The following PANK4 variants were observed in gnomAD, a reference collection of about 807,000 sequenced individuals.
The protein encoded by PANK4 is pantothenate kinase 4 (inactive).
A neutral mutation model predicts 87.9 loss-of-function variants in PANK4; 40 were observed. The ratio of observed to expected loss-of-function variants is 0.46; its 90% confidence interval spans 0.35 to 0.59. The LOEUF is 0.59. Among genes scored for constraint, PANK4 ranks in the 20% least tolerant of loss-of-function variants. PANK4 has a pLI of 0.00. For missense variants in PANK4, 926 were observed against 1,072.3 expected (o/e 0.86, Z 1.90); for synonymous variants, 524 against 467.4 (o/e 1.12, Z -1.56).
Position 2,523,367 on chromosome 1 carries a change from G to A in PANK4, c.125-1567C>T, listed in dbSNP as rs554452680. On this transcript the variant is annotated intron_variant, in intron 1 of 18. Transcript: ENST00000378466. Reference sequence around the variant, plus strand: ...CCCTCCCCTGCCCCCAGTGCTGGCCGGGCCCGGAGAGTCTCACTAACATGC... The same window carrying A: ...CCCTCCCCTGCCCCCAGTGCTGGCCAGGCCCGGAGAGTCTCACTAACATGC... Among the ~76,000 whole-genome samples, 8 of 152,242 alleles carry A rather than the reference G, an allele frequency of 5.3e-5. 1 individual carries two copies. Among genetic ancestry groups the A allele is most frequent in the African/African-American group, 1.9e-4 (8 of 41,538 alleles).
At chr1:2,516,873 T>C (rs1010329582) in intron 9 of PANK4, among the ~76,000 whole-genome samples, 4 of 152,236 alleles carry the variant, frequency 2.6e-5, no homozygotes, top group Admixed American at 2.6e-4. Context: ...TTTGACTTTT[T>C]TGGACAATAT....
Position 2,520,028 on chromosome 1 carries a change from C to T in PANK4, c.700-74G>A, listed in dbSNP as rs960359850. On this transcript the variant is annotated intron_variant, in intron 5 of 18. Transcript: ENST00000378466. This position sits in a 1 kb window ranked among gnomAD's most constrained non-coding sequence, Gnocchi z 6.2. ...TCCCCACGACCCCAGAAACCAAGCC[C>T]ATGGCAGGAGGCACGCGCGGGCAGG... is the stretch of plus-strand genomic sequence containing the variant. 5 of 1,425,896 alleles carry T rather than the reference C, an allele frequency of 3.5e-6. No individual in the cohort carries two copies. Among genetic ancestry groups the T allele is most frequent in the Non-Finnish European group, 4.7e-6 (5 of 1,063,130 alleles). 88.3% of individuals were successfully genotyped at this position (1,425,896 alleles called of 1,614,324 possible).
At position 2,521,708 on chromosome 1, in the gene PANK4, G is replaced by T. The variant is rs746787667; in HGVS notation, c.207+10C>A. The T allele has an allele frequency of 6.2e-7, 1 of 1,610,248 alleles. No homozygotes were observed. ...CTGCCCTGCCCCGGGTGGCCACAGT[G>T]CAGGCTCACCTTTCCGGAGTGGTCG... On this transcript the variant is annotated intron_variant, in intron 2 of 18. Coordinates refer to ENST00000378466, the MANE Select transcript of PANK4 (RefSeq NM_018216.4).
intron 1 of PANK4, among the ~76,000 whole-genome samples, chr1:2,522,792 T>C (rs1315343787): frequency 2.6e-5 from 4 of 151,728 alleles, no homozygotes; most frequent in African/African-American, 9.8e-5. Context: ...CGTATGGTGC[T>C]ATAGTGACTT....
chr1:2,512,560 C>T (rs770933372), intron 13 of PANK4: 10 of 358,332 alleles, frequency 2.8e-5, no homozygotes, highest in African/African-American at 6.3e-5. Context: ...ATGTTTAATT[C>T]CTACCACACA....
rs543668717 is a variant in PANK4 at position 2,521,514 on chromosome 1, C to G, written c.208-199G>C. 1.6e-5 allele frequency: 11 copies of G among 691,178 alleles called. No homozygotes were observed. In the African/African-American group the frequency reaches 1.8e-4, roughly 11 times the overall value. 42.8% of individuals were successfully genotyped at this position (691,178 alleles called of 1,614,324 possible). A position where few individuals can be genotyped will look rare whatever the true frequency, so the allele number is the denominator to read the frequency against. Reference sequence around the variant, plus strand: ...ACCCAGCAGGAGCGGAAGCCTCTCCCGGGGGAGCACAGGCGGGCGCAGGTT... The same window carrying G: ...ACCCAGCAGGAGCGGAAGCCTCTCCGGGGGGAGCACAGGCGGGCGCAGGTT... On this transcript the variant is annotated intron_variant, in intron 2 of 18. Transcript: ENST00000378466.
At chr1:2,512,749 G>C (rs1643684476) in intron 13 of PANK4, 139 bp downstream of exon 13, 1 of 803,810 alleles carries the variant, frequency 1.2e-6, no homozygotes. Flanking sequence ...GCACTCCCTG[G>C]GCCCCAAAGC....
chr1:2,524,164 T>G (rs180679157), intron 1 of PANK4, among the ~76,000 whole-genome samples: 1 of 152,176 alleles, frequency 6.6e-6, no homozygotes, highest in African/African-American at 2.4e-5. Flanking sequence ...CTGCAGTATG[T>G]TTTGAGAAAT....
intron 12 of PANK4, 151 bp from the exon 13 acceptor site, chr1:2,513,190 C>T (rs570860307): frequency 5.5e-5 from 44 of 800,544 alleles, no homozygotes; most frequent in African/African-American, 4.7e-4. Context: ...CCTATCGGTC[C>T]GGGACAGTGG....
Position 2,509,080 on chromosome 1 carries a change from G to A in PANK4, c.2109-20C>T, listed in dbSNP as rs750683955. 23 of 1,571,268 alleles carry A rather than the reference G, an allele frequency of 1.5e-5. No individual in the cohort carries two copies. Among genetic ancestry groups the A allele is most frequent in the South Asian group, 6.8e-5 (6 of 87,944 alleles). On this transcript the variant is annotated intron_variant, in intron 18 of 18. Coordinates refer to ENST00000378466, the MANE Select transcript of PANK4 (RefSeq NM_018216.4). The surrounding 1 kb of genome is among the most constrained non-coding windows in gnomAD (Gnocchi z 4.9). ...AGGCGGCTTTGGGGAGGAAGAGGACGGTGAGACTGGGCAAGCAGACCCCAG... is the reference window on the plus strand; with the variant it reads ...AGGCGGCTTTGGGGAGGAAGAGGACAGTGAGACTGGGCAAGCAGACCCCAG...
In PANK4 at chr1:2,509,608, T is replaced by C. The variant is rs564730915; in HGVS notation, c.2108+254A>G. ...TCTCAGCTGAGTGGCCACAGGGACA[T>C]TGGCCCCTCTTGCCCCAAGTCCCCA... On this transcript the variant is annotated intron_variant, in intron 18 of 18. Transcript: ENST00000378466. This position sits in a 1 kb window ranked among gnomAD's most constrained non-coding sequence, Gnocchi z 4.9. 5.9e-5 allele frequency among the ~76,000 whole-genome samples: 9 copies of C among 152,286 alleles called. No individual in the cohort carries two copies. Among genetic ancestry groups the C allele is most frequent in the South Asian group, 2.1e-4 (1 of 4,822 alleles).
Position 2,510,416 on chromosome 1 carries a change from G to A in PANK4, c.1939-259C>T, listed in dbSNP as rs1275152414. 1 of 596,946 alleles carries A rather than the reference G, an allele frequency of 1.7e-6. No individual in the cohort carries two copies. The highest frequency in any genetic ancestry group is 3.0e-6 in the Non-Finnish European group (1 of 335,534). The allele number at this position is 596,946 out of a possible 1,614,324, so 37.0% of individuals were successfully genotyped here. On this transcript the variant is annotated intron_variant, in intron 16 of 18. Transcript: ENST00000378466. This position sits in a 1 kb window ranked among gnomAD's most constrained non-coding sequence, Gnocchi z 4.9. The stretch of plus-strand genomic sequence containing the variant: ...CTGTCTGTGAAGTCACAGCCCCAAA[G>A]CCTCCTTGCTGTGAGCACCCTTCCA...
chr1:2,520,555 G>C lies in PANK4; in HGVS notation c.607-141C>G. 1.0e-6 allele frequency: 1 copy of C among 996,342 alleles called. No homozygotes were observed. The allele number at this position is 996,342 out of a possible 1,614,324, so 61.7% of individuals were successfully genotyped here. ...TGGGAGGACTCTCATGGCCAAGCCTGGGGGCGCTGATGCCCCTCCCACAGA... is the reference window on the plus strand; with the variant it reads ...TGGGAGGACTCTCATGGCCAAGCCTCGGGGCGCTGATGCCCCTCCCACAGA... On this transcript the variant is annotated intron_variant, in intron 4 of 18. Coordinates refer to ENST00000378466, the MANE Select transcript of PANK4 (RefSeq NM_018216.4). The surrounding 1 kb of genome is among the most constrained non-coding windows in gnomAD (Gnocchi z 6.2).
rs1057135298 is a variant in PANK4, at chr1:2,508,668, C to T, written c.*179G>A. Reference sequence around the variant, plus strand: ...GCAGTTAAATAGATTCCAATATGAACGTCTCCCAGGACAAAGCTGCGTCTC... The same window carrying T: ...GCAGTTAAATAGATTCCAATATGAATGTCTCCCAGGACAAAGCTGCGTCTC... On this transcript the variant is annotated 3_prime_UTR_variant, in exon 19 of 19. Transcript: ENST00000378466. The surrounding 1 kb of genome is among the most constrained non-coding windows in gnomAD (Gnocchi z 5.1). 4.1e-5 allele frequency: 22 copies of T among 539,940 alleles called. No individual in the cohort carries two copies. The Admixed American group carries it at 5.2e-4, about 13-fold the overall frequency. 33.4% of individuals were successfully genotyped at this position (539,940 alleles called of 1,614,324 possible).
rs759784227 is a variant in PANK4, at chr1:2,509,944, G to A, written c.2040-14C>T. 6.2e-6 allele frequency: 10 copies of A among 1,609,210 alleles called. No homozygotes were observed. Among genetic ancestry groups the A allele is most frequent in the Non-Finnish European group, 8.5e-6 (10 of 1,178,464 alleles). On this transcript the variant is annotated splice_polypyrimidine_tract_variant and intron_variant, in intron 17 of 18. Coordinates refer to ENST00000378466, the MANE Select transcript of PANK4 (RefSeq NM_018216.4). This position sits in a 1 kb window ranked among gnomAD's most constrained non-coding sequence, Gnocchi z 4.9. ...TGGAGCGCAGAGCTGCCAGATACAAGGTGGTCAGTGCCCCCAGGAGCTCCC... is the reference window on the plus strand; with the variant it reads ...TGGAGCGCAGAGCTGCCAGATACAAAGTGGTCAGTGCCCCCAGGAGCTCCC...
chr1:2,508,918 C>T lies in PANK4; in HGVS notation c.2251G>A (p.Ala751Thr), dbSNP rs376180239. The change falls in exon 19 of 19, where the codon GCG becomes ACG. Residue 751 changes from alanine to threonine, a missense_variant. Ala to Thr is a moderately conservative substitution (Grantham distance 58). Transcript: ENST00000378466. This position sits in a 1 kb window ranked among gnomAD's most constrained non-coding sequence, Gnocchi z 5.1. ...CCGCCCAGCCGCTCGGCCAGCCACG[C>T]GTTCTTGATGACGGCCAGCTTGAGG... ...ESLKLAVIKN[A>T]WLAERLGGRL... The T allele has an allele frequency of 9.3e-6, 15 of 1,610,660 alleles. No homozygotes were observed. The highest frequency in any genetic ancestry group is 4.0e-5 in the African/African-American group (3 of 74,964).
In PANK4 at chr1:2,510,619, A is replaced by G; in HGVS notation, c.1938+59T>C. 6 of 1,002,382 alleles carry G rather than the reference A, an allele frequency of 6.0e-6. No homozygotes were observed. The East Asian group carries it at 1.5e-4, about 25-fold the overall frequency. The allele number at this position is 1,002,382 out of a possible 1,614,324, so 62.1% of individuals were successfully genotyped here. ...CCGCCAGAGGCCCACAGCGGCGCCA[A>G]CCCCACCGAGAGCAGAGAAGCCCAG... On this transcript the variant is annotated intron_variant, in intron 16 of 18. Transcript: ENST00000378466. The surrounding 1 kb of genome is among the most constrained non-coding windows in gnomAD (Gnocchi z 4.9).
intron 1 of PANK4, among the ~76,000 whole-genome samples, chr1:2,522,585 A>T (rs1643883775): frequency 1.3e-5 from 2 of 152,218 alleles, no homozygotes. Flanking sequence ...TCTAAGTTAA[A>T]AAAAAAAACA....
intron 9 of PANK4, among the ~76,000 whole-genome samples, chr1:2,517,121 A>T (rs1229884657): frequency 6.6e-6 from 1 of 152,184 alleles, no homozygotes; most frequent in Non-Finnish European, 1.5e-5. Context: ...GAAGACACCA[A>T]GCCCCTCTGC....
Sources: gnomAD v4.1 joint callset for allele counts (sites outside exome capture counted in the v4.1 genomes callset) on GRCh38, gnomAD v4.1.1 for gene constraint, Gnocchi (gnomAD v3.1) non-coding constraint, MANE v1.5 for transcripts, NCBI Gene and HGNC (gene_info 2026-07-23, HGNC 2026-07-21) for gene names.